Variants in CPZ observed in about 807,000 individuals in gnomAD.
CPZ encodes the protein carboxypeptidase Z.
Under a neutral mutation model 61.8 loss-of-function variants are expected in CPZ, and 103 were observed. The ratio of observed to expected loss-of-function variants is 1.67; its 90% confidence interval spans 1.42 to 1.96. The LOEUF is 1.96. CPZ is among the 30% of genes most tolerant of loss of function. CPZ has a pLI of 0.00. For synonymous variants in CPZ, 551 were observed against 373.7 expected (o/e 1.47, Z -5.47); for missense variants, 1,461 against 914.9 (o/e 1.60, Z -7.70).
At chr4:8,611,048 GCATTCGCTCACTCACTCATTCACTCATT>G (rs1205857869) in intron 7 of CPZ, 8 of 367,432 alleles carry the variant, frequency 2.2e-5, no homozygotes, top group South Asian at 7.9e-5. Context: ...ACTTGCTCAC[GCATTCGCTCACTCACTCATTCACTCATT>G]CATTCGCTCA....
At chr4:8,599,092 G>A (rs902368660) in intron 1 of CPZ, among the ~76,000 whole-genome samples, 10 of 152,232 alleles carry the variant, frequency 6.6e-5, no homozygotes, top group African/African-American at 2.4e-4. Flanking sequence ...GGCCACAGTA[G>A]AGGTACTTGT....
In CPZ at chr4:8,614,362, T is replaced by C. The variant is rs1256072597; in HGVS notation, c.1367T>C (p.Met456Thr). ...CCCCGCTGTCTCTGTGCCACAGGCATGTCCGATTTCAACTACCTGCACACC... is the reference window on the plus strand; with the variant it reads ...CCCCGCTGTCTCTGTGCCACAGGCACGTCCGATTTCAACTACCTGCACACC... ...GADWYSFTGG[M>T]SDFNYLHTNC... Residue 456 changes from methionine to threonine, a missense_variant, in exon 9 of 11, where the codon ATG (methionine) becomes ACG (threonine). By Grantham distance (81) the Met-to-Thr change is moderately conservative. Coordinates refer to ENST00000360986, the MANE Select transcript of CPZ (RefSeq NM_001014447.3). 1.1e-5 allele frequency: 18 copies of C among 1,613,178 alleles called. No individual in the cohort carries two copies. The highest frequency in any genetic ancestry group is 2.2e-5 in the East Asian group (1 of 44,848).
chr4:8,595,076 A>G (rs1714077993), intron 1 of CPZ, among the ~76,000 whole-genome samples: 1 of 152,254 alleles, frequency 6.6e-6, no homozygotes, highest in South Asian at 2.1e-4. Context: ...CTGGCCTGTA[A>G]CAGATTCTAT....
At chr4:8,605,326 C>CCATCTATCCATCCATCATTTATG (rs796606844) in intron 4 of CPZ, among the ~76,000 whole-genome samples, 3,309 of 115,958 alleles carry the variant, frequency 0.029, 123 homozygotes, top group African/African-American at 0.12. Flanking sequence ...ATTTATTCAT[C>CCATCTATCCATCCATCATTTATG]CATCCATCCA....
At chr4:8,602,623 C>T (rs1386370056) in intron 3 of CPZ, 1 of 152,318 alleles carries the variant, frequency 6.6e-6, no homozygotes, top group Non-Finnish European at 1.5e-5. Flanking sequence ...AGGGTGACAG[C>T]AGTGGGGTCT....
intron 1 of CPZ, among the ~76,000 whole-genome samples, chr4:8,598,995 C>A (rs574513701): frequency 2.0e-5 from 3 of 152,184 alleles, no homozygotes; most frequent in Non-Finnish European, 4.4e-5. Flanking sequence ...TGCAGCAGTG[C>A]CTGCTGGTGA....
At position 8,612,128 on chromosome 4, in the gene CPZ, C is replaced by T. The variant is rs145731907; in HGVS notation, c.1329C>T (p.Ile443=). The T allele has an allele frequency of 6.3e-7, 1 of 1,599,804 alleles. No individual in the cohort carries two copies. Among genetic ancestry groups the T allele is most frequent in the Non-Finnish European group, 8.5e-7 (1 of 1,173,126 alleles). The change falls in exon 8 of 11, where the codon ATC becomes ATT. Residue 443 remains isoleucine (I), a synonymous_variant. Coordinates refer to ENST00000360986, the MANE Select transcript of CPZ (RefSeq NM_001014447.3). ...GCAATTTCCTGAAGAGGGGGAGCAT[C>T]ATCAACGGGGCGGACTGGTACAGCT... is the stretch of plus-strand genomic sequence containing the variant. The part of the protein sequence containing the change: ...CGGNFLKRGS[I]INGADWYSFT...
rs752877540 is a variant in CPZ, at chr4:8,604,193, G to A, written c.709+5G>A. On this transcript the variant is annotated splice_donor_5th_base_variant and intron_variant, in intron 4 of 10. Coordinates refer to ENST00000360986, the MANE Select transcript of CPZ (RefSeq NM_001014447.3). ...GCCCCGGCCAGCACGAGCTGAGTGA[G>A]TGCCCTTGGGAGAGCCTGGCCTGGC... 1.9e-6 allele frequency: 3 copies of A among 1,539,020 alleles called. No individual in the cohort carries two copies. The highest frequency in any genetic ancestry group is 2.4e-5 in the East Asian group (1 of 41,080).
At chr4:8,615,139 G>C (rs953119631) in intron 9 of CPZ, among the ~76,000 whole-genome samples, 2 of 152,122 alleles carry the variant, frequency 1.3e-5, no homozygotes, top group African/African-American at 4.8e-5. Flanking sequence ...GGGCGGGGCA[G>C]GGCGTCCTGA....
At chr4:8,598,536 G>A (rs964897314) in intron 1 of CPZ, among the ~76,000 whole-genome samples, 12 of 152,166 alleles carry the variant, frequency 7.9e-5, no homozygotes, top group East Asian at 1.9e-4. Context: ...CACTCCACAC[G>A]TCCTGCCTGT....
intron 8 of CPZ, among the ~76,000 whole-genome samples, chr4:8,613,546 C>T (rs934132986): frequency 2.8e-4 from 42 of 152,222 alleles, no homozygotes; most frequent in Admixed American, 1.5e-3. Context: ...GGACTGTCAA[C>T]AGCAGCTGCA....
chr4:8,610,617 G>A (rs1451590689), intron 7 of CPZ, among the ~76,000 whole-genome samples: 2 of 152,248 alleles, frequency 1.3e-5, no homozygotes, highest in African/African-American at 4.8e-5. Context: ...TGTAGCAGAT[G>A]TGGCCTGGGC....
Position 8,619,182 on chromosome 4 carries a change from C to G in CPZ, c.1604-80C>G, listed in dbSNP as rs1185653607. 2.4e-6 allele frequency: 3 copies of G among 1,270,182 alleles called. No individual in the cohort carries two copies. In the East Asian group the frequency reaches 7.7e-5, roughly 32 times the overall value. 78.7% of individuals were successfully genotyped at this position (1,270,182 alleles called of 1,614,324 possible). A position where few individuals can be genotyped will look rare whatever the true frequency, so the allele number is the denominator to read the frequency against. On this transcript the variant is annotated intron_variant, in intron 10 of 10. Transcript: ENST00000360986. ...GCCTGCCTCCCATGCTAACCTCTCC[C>G]CACTCATATCCATCACCCATCACCC...
chr4:8,618,286 G>C (rs1389817207), intron 9 of CPZ, 143 bp from the exon 10 acceptor site: 2 of 681,620 alleles, frequency 2.9e-6, no homozygotes, highest in Non-Finnish European at 5.0e-6. Flanking sequence ...AGATGGCAGA[G>C]CGAGGGCTGG....
chr4:8,594,970 C>T (rs1441125372), intron 1 of CPZ, among the ~76,000 whole-genome samples: 2 of 152,118 alleles, frequency 1.3e-5, no homozygotes, highest in East Asian at 1.9e-4. Flanking sequence ...GACAGGGTTT[C>T]ACCGTGTTGG....
intron 5 of CPZ, 130 bp downstream of exon 5, chr4:8,606,315 C>G (rs1196713663): frequency 1.6e-5 from 15 of 909,526 alleles, no homozygotes; most frequent in South Asian, 1.2e-4. Flanking sequence ...CAGCAGGTGT[C>G]GATACTGGCA....
At chr4:8,608,577 G>A (rs1409743981) in intron 7 of CPZ, among the ~76,000 whole-genome samples, 5 of 152,096 alleles carry the variant, frequency 3.3e-5, no homozygotes, top group Non-Finnish European at 7.4e-5. Context: ...AGTCTAGGGT[G>A]GGAAATGGAG....
Position 8,606,221 on chromosome 4 carries a change from G to A in CPZ, c.906+36G>A, listed in dbSNP as rs199856845. ...AGATGCCTGGATCCTGTGGGCCACC[G>A]CCCGAACCACCCCCTCATTCATCCA... is the stretch of plus-strand genomic sequence containing the variant. On this transcript the variant is annotated intron_variant, in intron 5 of 10. Coordinates refer to ENST00000360986, the MANE Select transcript of CPZ (RefSeq NM_001014447.3). The A allele has an allele frequency of 1.3e-5, 21 of 1,576,442 alleles. 1 individual carries two copies. The highest frequency in any genetic ancestry group is 1.7e-4 in the Middle Eastern group (1 of 5,942).
chr4:8,617,677 G>C (rs941953145), intron 9 of CPZ, among the ~76,000 whole-genome samples: 2 of 152,168 alleles, frequency 1.3e-5, no homozygotes, highest in Non-Finnish European at 2.9e-5. Context: ...GCCCGGGCAG[G>C]GGGCAGCCTC....
Sources: gnomAD v4.1 joint callset for allele counts (sites outside exome capture counted in the v4.1 genomes callset) on GRCh38, gnomAD v4.1.1 for gene constraint, MANE v1.5 for transcripts, NCBI Gene and HGNC (gene_info 2026-07-23, HGNC 2026-07-21) for gene names.